The following ARHGAP15 variants were observed in gnomAD, a reference collection of about 807,000 sequenced individuals.
ARHGAP15 encodes Rho GTPase activating protein 15.
A neutral mutation model predicts 63.7 loss-of-function variants in ARHGAP15; 51 were observed. That is an observed-to-expected ratio of 0.80 (90% confidence interval 0.64 to 1.01). The LOEUF is 1.01. ARHGAP15 is among the 50% of genes least tolerant of loss of function. ARHGAP15 has a pLI of 0.00. For missense variants in ARHGAP15, 560 were observed against 564.6 expected (o/e 0.99, Z 0.08); for synonymous variants, 191 against 193.8 (o/e 0.99, Z 0.12).
At chr2:143,389,960 A>T (rs979340114) in intron 6 of ARHGAP15, among the ~76,000 whole-genome samples, 4 of 151,934 alleles carry the variant, frequency 2.6e-5, no homozygotes, top group African/African-American at 9.7e-5. Context: ...ATGGTATTGA[A>T]ATAATTTTCA....
At position 143,720,600 on chromosome 2, in the gene ARHGAP15, G is replaced by C. The variant is rs550456473; in HGVS notation, c.1244+17076G>C. ...TAAGTACTAGGGCGAAGGGGGATTC[G>C]AATGAATGAGGGCATCGAGGGGGTC... On this transcript the variant is annotated intron_variant, in intron 13 of 13. Transcript: ENST00000295095. 7.2e-5 allele frequency among the ~76,000 whole-genome samples: 11 copies of C among 152,248 alleles called. No individual in the cohort carries two copies. In the South Asian group the frequency reaches 2.1e-3, roughly 29 times the overall value.
intron 6 of ARHGAP15, among the ~76,000 whole-genome samples, chr2:143,412,464 A>T (rs1688488012): frequency 6.6e-6 from 1 of 152,166 alleles, no homozygotes; most frequent in East Asian, 1.9e-4. Context: ...ATCAGAATCA[A>T]CCTCAAATTG....
At chr2:143,207,611 C>T (rs1200011567) in intron 3 of ARHGAP15, among the ~76,000 whole-genome samples, 3 of 152,098 alleles carry the variant, frequency 2.0e-5, no homozygotes, top group East Asian at 1.9e-4. Context: ...TCTCTCTGAA[C>T]GCTTATCTTG....
At chr2:143,325,097 C>T (rs1574276973) in intron 6 of ARHGAP15, among the ~76,000 whole-genome samples, 1 of 151,986 alleles carries the variant, frequency 6.6e-6, no homozygotes, top group East Asian at 1.9e-4. Flanking sequence ...AGAGGAAAGC[C>T]AGCTAAACAT....
chr2:143,505,264 G>A (rs1041465130), intron 9 of ARHGAP15, among the ~76,000 whole-genome samples: 3 of 152,082 alleles, frequency 2.0e-5, no homozygotes, highest in Admixed American at 2.0e-4. Context: ...CCTTCTCTAA[G>A]TCCCCTCCCT....
chr2:143,527,747 C>T (rs918300471), intron 10 of ARHGAP15, among the ~76,000 whole-genome samples: 4 of 151,948 alleles, frequency 2.6e-5, no homozygotes, highest in African/African-American at 9.7e-5. Context: ...CATATGGTAC[C>T]TAACACATAA....
intron 13 of ARHGAP15, among the ~76,000 whole-genome samples, chr2:143,708,047 G>C (rs942281238): frequency 6.6e-6 from 1 of 152,146 alleles, no homozygotes; most frequent in Non-Finnish European, 1.5e-5. Context: ...AGGGAACAAA[G>C]AAACCAGGCT....
intron 12 of ARHGAP15, among the ~76,000 whole-genome samples, chr2:143,670,283 TC>T (rs2105346854): frequency 6.6e-6 from 1 of 152,308 alleles, no homozygotes; most frequent in South Asian, 2.1e-4. Flanking sequence ...TCTCTGTATT[TC>T]TAGTGCTACT....
At chr2:143,246,190 G>C (rs868022487) in intron 5 of ARHGAP15, among the ~76,000 whole-genome samples, 1 of 151,844 alleles carries the variant, frequency 6.6e-6, no homozygotes, top group Non-Finnish European at 1.5e-5. Flanking sequence ...GCACTTGGCC[G>C]CTCTCTGCTT....
intron 9 of ARHGAP15, among the ~76,000 whole-genome samples, chr2:143,495,655 A>T (rs898329138): frequency 6.6e-6 from 1 of 152,250 alleles, no homozygotes; most frequent in Non-Finnish European, 1.5e-5. Context: ...AACTGCAAAT[A>T]CAAGCTATCA....
intron 13 of ARHGAP15, among the ~76,000 whole-genome samples, chr2:143,754,070 C>G (rs1411116445): frequency 1.1e-4 from 17 of 152,098 alleles, no homozygotes; most frequent in Admixed American, 1.1e-3. Flanking sequence ...ATTTTTCAGG[C>G]CCTATTCTTC....
chr2:143,765,147 G>GTGTGTGT (rs1559166655), intron 13 of ARHGAP15, among the ~76,000 whole-genome samples: 2 of 146,790 alleles, frequency 1.4e-5, no homozygotes, highest in African/African-American at 5.0e-5. Context: ...GTGTGTGTGT[G>GTGTGTGT]GTAAAATTAA....
chr2:143,222,683 G>C (rs1693045554), intron 4 of ARHGAP15, among the ~76,000 whole-genome samples: 1 of 152,008 alleles, frequency 6.6e-6, no homozygotes, highest in Non-Finnish European at 1.5e-5. Flanking sequence ...TTTTGTTTTG[G>C]GGGTGTTTTG....
intron 9 of ARHGAP15, among the ~76,000 whole-genome samples, chr2:143,490,542 A>G (rs1018567496): frequency 1.3e-5 from 2 of 152,226 alleles, no homozygotes; most frequent in African/African-American, 4.8e-5. Flanking sequence ...AACCTGTTTT[A>G]TATGTGGTTT....
At chr2:143,612,117 A>G (rs1698278501) in intron 11 of ARHGAP15, among the ~76,000 whole-genome samples, 3 of 152,200 alleles carry the variant, frequency 2.0e-5, no homozygotes. Context: ...TCTAACAGAG[A>G]CCATTTAATC....
At chr2:143,749,342 A>G (rs150923387) in intron 13 of ARHGAP15, among the ~76,000 whole-genome samples, 70 of 152,332 alleles carry the variant, frequency 4.6e-4, no homozygotes, top group African/African-American at 1.5e-3. Flanking sequence ...TTTCCAGGCT[A>G]TAAGAGAAAT....
chr2:143,583,861 G>A (rs895233174), intron 11 of ARHGAP15, among the ~76,000 whole-genome samples: 1 of 152,002 alleles, frequency 6.6e-6, no homozygotes, highest in African/African-American at 2.4e-5. Flanking sequence ...CCAATTTTTA[G>A]GCATTTTATT....
At chr2:143,597,668 A>G (rs1427189380) in intron 11 of ARHGAP15, among the ~76,000 whole-genome samples, 2 of 152,214 alleles carry the variant, frequency 1.3e-5, no homozygotes, top group Non-Finnish European at 2.9e-5. Flanking sequence ...GCATTTACTC[A>G]CATGAGAAAA....
intron 2 of ARHGAP15, among the ~76,000 whole-genome samples, chr2:143,163,052 C>T (rs1469277611): frequency 6.6e-6 from 1 of 151,984 alleles, no homozygotes; most frequent in East Asian, 1.9e-4. Context: ...CCTTGATTAA[C>T]CTAAAACACA....
Sources: gnomAD v4.1 joint callset for allele counts (sites outside exome capture counted in the v4.1 genomes callset) on GRCh38, gnomAD v4.1.1 for gene constraint, MANE v1.5 for transcripts, NCBI Gene and HGNC (gene_info 2026-07-23, HGNC 2026-07-21) for gene names.